The following NUP214 variants were observed in gnomAD, a reference collection of about 807,000 sequenced individuals.
NUP214 encodes the protein nuclear pore complex protein Nup214.
Under a neutral mutation model 196.2 loss-of-function variants are expected in NUP214, and 79 were observed. That is an observed-to-expected ratio of 0.40 (90% CI 0.34 to 0.49). NUP214 has a LOEUF of 0.49. Among genes scored for constraint, NUP214 ranks in the 20% least tolerant of loss-of-function variants. NUP214 has a pLI of 0.58. For missense variants in NUP214, 2,468 were observed against 2,539.0 expected, an observed-to-expected ratio of 0.97 and a Z score of 0.60; for synonymous variants, 1,020 against 990.5, an observed-to-expected ratio of 1.03 and a Z score of -0.56.
At chr9:131,136,153 C>A in intron 9 of NUP214, 147 bp downstream of exon 9, 1 of 611,068 alleles carries the variant, frequency 1.6e-6, no homozygotes, top group Non-Finnish European at 2.8e-6. Flanking sequence ...CAATTTTGTG[C>A]CTCAGCCTCC....
intron 7 of NUP214, among the ~76,000 whole-genome samples, chr9:131,134,039 TG>T (rs1446440828): frequency 6.6e-6 from 1 of 152,210 alleles, no homozygotes; most frequent in Non-Finnish European, 1.5e-5. Flanking sequence ...CTCAAATTCT[TG>T]GGCTTAAGCC....
Position 131,196,025 on chromosome 9 carries a change from T to TCCCTCCCCCCCC in NUP214, c.3721+734_3721+735insTCCCCCCCCCCC, listed in dbSNP as rs1554737949. On this transcript the variant is annotated intron_variant, in intron 28 of 35. Transcript: ENST00000359428. The stretch of plus-strand genomic sequence containing the variant: ...GGCAACAAGAGTGAAACTCTGTGTG[T>TCCCTCCCCCCCC]CCCCCCCCCCCCCCGCGCCAAAAAA... Among the ~76,000 whole-genome samples, 2 of 3,668 alleles carry TCCCTCCCCCCCC rather than the reference T, an allele frequency of 5.5e-4. 1 individual carries two copies. Among genetic ancestry groups the TCCCTCCCCCCCC allele is most frequent in the Non-Finnish European group, 1.3e-3 (2 of 1,588 alleles). 2.4% of individuals were successfully genotyped at this position (3,668 alleles called of 152,430 possible). A position where few individuals can be genotyped will look rare whatever the true frequency, so the allele number is the denominator to read the frequency against.
At chr9:131,162,006 T>A (rs993318880) in intron 18 of NUP214, among the ~76,000 whole-genome samples, 2 of 152,278 alleles carry the variant, frequency 1.3e-5, no homozygotes, top group African/African-American at 4.8e-5. Context: ...ATTCTGAGAT[T>A]TTTTTGATTT....
At chr9:131,191,253 CAG>C (rs1448123944) in intron 26 of NUP214, 1 of 152,060 alleles carries the variant, frequency 6.6e-6, no homozygotes, top group African/African-American at 2.4e-5. Flanking sequence ...CACCTGAAGT[CAG>C]GAATTCGAGA....
intron 24 of NUP214, among the ~76,000 whole-genome samples, chr9:131,184,833 T>G (rs1436040569): frequency 6.6e-6 from 1 of 152,228 alleles, no homozygotes; most frequent in African/African-American, 2.4e-5. Context: ...TATATTTCCA[T>G]CGACAGATGT....
At chr9:131,127,867 C>G in intron 2 of NUP214, 148 bp downstream of exon 2, 2 of 628,162 alleles carry the variant, frequency 3.2e-6, no homozygotes, top group South Asian at 4.1e-5. Flanking sequence ...GGAAGCCTTT[C>G]TAGGTTTTCT....
chr9:131,186,009 TGAAA>T (rs1419866456), intron 24 of NUP214, among the ~76,000 whole-genome samples: 1 of 152,258 alleles, frequency 6.6e-6, no homozygotes, highest in African/African-American at 2.4e-5. Flanking sequence ...TGAGAAAGCA[TGAAA>T]GAGTTTCCTT....
chr9:131,214,344 C>T (rs1205039953), intron 30 of NUP214, among the ~76,000 whole-genome samples: 1 of 152,180 alleles, frequency 6.6e-6, no homozygotes, highest in African/African-American at 2.4e-5. Flanking sequence ...TGTTACATTT[C>T]TTGGCTCACG....
In NUP214 at chr9:131,146,236, A is replaced by G; in HGVS notation, c.1877A>G (p.His626Arg). Residue 626 changes from histidine (H) to arginine (R), a missense_variant, in exon 13 of 36, where the codon CAC (histidine) becomes CGC (arginine). By Grantham distance (29) the His-to-Arg change is conservative (BLOSUM62 0). This residue lies in a region of NUP214 where 1,801 missense variants were observed against 1,779.4 expected (regional missense o/e 1.01). Transcript: ENST00000359428. The surrounding 1 kb of genome is among the most constrained non-coding windows in gnomAD (Gnocchi z 4.6). ...SKPAASGPLS[H>R]PTPLSAPPSS... ...CCAGCTGCTTCTGGACCACTCAGCC[A>G]CCCCACACCTCTCTCAGCACCACCT... The G allele has an allele frequency of 1.2e-6, 2 of 1,613,914 alleles. No homozygotes were observed. Among genetic ancestry groups the G allele is most frequent in the Non-Finnish European group, 1.7e-6 (2 of 1,179,958 alleles).
intron 14 of NUP214, 102 bp from the exon 15 acceptor site, chr9:131,150,222 A>G: frequency 3.3e-6 from 3 of 908,424 alleles, no homozygotes; most frequent in Non-Finnish European, 5.2e-6. Flanking sequence ...GTGAAGAAAT[A>G]ATGACTGTGT....
At position 131,189,056 on chromosome 9, in the gene NUP214, T is replaced by G. The variant is rs891391584; in HGVS notation, c.3499T>G (p.Ser1167Ala). Residue 1167 changes from serine (S) to alanine (A), a missense_variant, in exon 26 of 36, where the codon TCT (serine) becomes GCT (alanine). Around this residue, in one of 5 missense-constraint regions of NUP214, gnomAD observed 1,801 missense variants for 1,779.4 expected, o/e 1.01. Coordinates refer to ENST00000359428, the MANE Select transcript of NUP214 (RefSeq NM_005085.4). ...PVAANQAKQG[S>A]LINSLKPSGP... The stretch of plus-strand genomic sequence containing the variant: ...TTTTGCTTGCATTCTGTTATAGGGG[T>G]CTCTAATAAATTCCCTTAAGCCATC... The G allele has an allele frequency of 6.2e-7, 1 of 1,612,400 alleles. No individual in the cohort carries two copies. Among genetic ancestry groups the G allele is most frequent in the Non-Finnish European group, 8.5e-7 (1 of 1,178,544 alleles).
intron 2 of NUP214, 124 bp from the exon 3 acceptor site, chr9:131,128,208 T>A (rs933103928): frequency 1.6e-6 from 1 of 638,964 alleles, no homozygotes. Context: ...TCTGTATAAC[T>A]AGGTATTGGG....
intron 26 of NUP214, chr9:131,190,607 C>A (rs1833571433): frequency 1.8e-6 from 1 of 555,714 alleles, no homozygotes; most frequent in African/African-American, 1.9e-5. Flanking sequence ...GAGAATAGTT[C>A]TCTTATTAGT....
chr9:131,201,607 C>T, intron 29 of NUP214, 40 bp from the exon 30 acceptor site: 1 of 1,484,012 alleles, frequency 6.7e-7, no homozygotes, highest in South Asian at 1.1e-5. Context: ...AAAGACTCAT[C>T]CAATCCAAAT....
rs1833171903 is a variant in NUP214, at chr9:131,178,282, T to C, written c.3320-29T>C. ...TTTTTATCCTTTGCTGGAATTAATATGGTGTTCTCTCTTCTCTGTTTAAAT... is the reference window on the plus strand; with the variant it reads ...TTTTTATCCTTTGCTGGAATTAATACGGTGTTCTCTCTTCTCTGTTTAAAT... On this transcript the variant is annotated intron_variant, in intron 23 of 35. Transcript: ENST00000359428. 2.0e-6 allele frequency: 3 copies of C among 1,534,870 alleles called. No homozygotes were observed. The African/African-American group carries it at 4.1e-5, about 21-fold the overall frequency.
intron 30 of NUP214, among the ~76,000 whole-genome samples, chr9:131,213,440 G>A (rs544728502): frequency 1.3e-5 from 2 of 152,232 alleles, no homozygotes; most frequent in South Asian, 4.2e-4. Context: ...CTCCCAAAGT[G>A]CTGGCATTAT....
Position 131,195,173 on chromosome 9 carries a change from A to C in NUP214, c.3660-60A>C, listed in dbSNP as rs1833738383. Reference sequence around the variant, plus strand: ...TGAATGAATGATAAAATGGAATATTAAGAGGGCAATATTGTGCCTTGGTTT... The same window carrying C: ...TGAATGAATGATAAAATGGAATATTCAGAGGGCAATATTGTGCCTTGGTTT... On this transcript the variant is annotated intron_variant, in intron 27 of 35. Coordinates refer to ENST00000359428, the MANE Select transcript of NUP214 (RefSeq NM_005085.4). 6 of 1,166,022 alleles carry C rather than the reference A, an allele frequency of 5.1e-6. No individual in the cohort carries two copies. In the Middle Eastern group the frequency reaches 5.9e-4, roughly 115 times the overall value. The allele number at this position is 1,166,022 out of a possible 1,614,324, so 72.2% of individuals were successfully genotyped here. A position where few individuals can be genotyped will look rare whatever the true frequency, so the allele number is the denominator to read the frequency against.
At chr9:131,162,558 A>G (rs1263626697) in intron 18 of NUP214, among the ~76,000 whole-genome samples, 1 of 152,106 alleles carries the variant, frequency 6.6e-6, no homozygotes. Context: ...ATTTCTTGAC[A>G]ATAGTCTGAA....
At chr9:131,230,889 C>G (rs968691814) in intron 34 of NUP214, 120 bp downstream of exon 34, 1 of 1,183,478 alleles carries the variant, frequency 8.4e-7, no homozygotes, top group African/African-American at 1.5e-5. Context: ...TGACTGGGCA[C>G]GTGGTTCACG....
Sources: gnomAD v4.1 joint callset for allele counts (sites outside exome capture counted in the v4.1 genomes callset) on GRCh38, gnomAD v4.1.1 for gene constraint, gnomAD v4.1.1 regional missense constraint, Gnocchi (gnomAD v3.1) non-coding constraint, MANE v1.5 for transcripts, NCBI Gene and HGNC (gene_info 2026-07-23, HGNC 2026-07-21) for gene names.